Variants in ICE1 observed in about 807,000 individuals in gnomAD.
The protein encoded by ICE1 is little elongation complex subunit 1.
In ICE1, 64 loss-of-function variants were observed where a neutral mutation model predicts 192.7. The observed-to-expected ratio is 0.33, with a 90% confidence interval of 0.27 to 0.41. The LOEUF is 0.41. ICE1 is among the 10% of genes least tolerant of loss of function. ICE1 has a pLI of 1.00. For missense variants in ICE1, 2,708 were observed against 2,696.0 expected, an observed-to-expected ratio of 1.00 and a Z score of -0.10; for synonymous variants, 1,010 against 984.5, an observed-to-expected ratio of 1.03 and a Z score of -0.49.
At chr5:5,459,163 G>A (rs531167707) in intron 12 of ICE1, among the ~76,000 whole-genome samples, 2 of 152,242 alleles carry the variant, frequency 1.3e-5, no homozygotes, top group Admixed American at 6.5e-5. Context: ...GTGAGCCACC[G>A]CGCCTGGCCA....
At chr5:5,424,482 T>C (rs1035644328) in intron 1 of ICE1, among the ~76,000 whole-genome samples, 1 of 151,898 alleles carries the variant, frequency 6.6e-6, no homozygotes, top group African/African-American at 2.4e-5. Flanking sequence ...CATTTATTGA[T>C]CACCTGCCGT....
Position 5,462,711 on chromosome 5 carries a change from C to T in ICE1, c.3377C>T (p.Pro1126Leu). ...CSEGSEQQDA[P>L]DDSQKNLGDT... is the part of the protein sequence containing the mutation. The stretch of plus-strand genomic sequence containing the variant: ...GAGGGGAGCGAACAGCAAGATGCTC[C>T]TGATGACTCACAGAAAAATTTAGGA... The change falls in exon 13 of 19, where the codon CCT (proline) becomes CTT (leucine). Residue 1126 changes from proline (P) to leucine (L), a missense_variant. Physicochemically the swap from Pro to Leu is moderately conservative, Grantham distance 98. Coordinates refer to ENST00000296564, the MANE Select transcript of ICE1 (RefSeq NM_015325.3). The T allele has an allele frequency of 6.2e-7, 1 of 1,613,818 alleles. No homozygotes were observed. Among genetic ancestry groups the T allele is most frequent in the Non-Finnish European group, 8.5e-7 (1 of 1,179,810 alleles).
intron 10 of ICE1, among the ~76,000 whole-genome samples, chr5:5,452,660 G>A (rs775860807): frequency 4.6e-5 from 7 of 152,050 alleles, no homozygotes; most frequent in Non-Finnish European, 8.8e-5. Context: ...AGCACAAGCA[G>A]ATGGTTTATA....
At chr5:5,438,070 A>C (rs183882437) in intron 3 of ICE1, among the ~76,000 whole-genome samples, 41 of 152,370 alleles carry the variant, frequency 2.7e-4, no homozygotes, top group African/African-American at 9.6e-4. Context: ...ATTGACTCAG[A>C]GTTCTGCATG....
chr5:5,478,284 G>T (rs555789842), intron 17 of ICE1, among the ~76,000 whole-genome samples: 1 of 152,170 alleles, frequency 6.6e-6, no homozygotes, highest in Non-Finnish European at 1.5e-5. Flanking sequence ...AAATCAATGT[G>T]CAAAAATCAC....
chr5:5,435,676 T>G (rs1457811552), intron 1 of ICE1, among the ~76,000 whole-genome samples: 3 of 113,160 alleles, frequency 2.7e-5, no homozygotes, highest in Admixed American at 2.2e-4. Context: ...TTTTTTTGTT[T>G]TGTTTTTGTT....
At chr5:5,450,479 G>A (rs549638076) in intron 10 of ICE1, among the ~76,000 whole-genome samples, 30 of 152,258 alleles carry the variant, frequency 2.0e-4, no homozygotes, top group Middle Eastern at 3.4e-3. Flanking sequence ...TTCTCAGAGG[G>A]GAGAACAGAA....
intron 17 of ICE1, among the ~76,000 whole-genome samples, chr5:5,479,531 G>A (rs1739435883): frequency 6.6e-6 from 1 of 152,208 alleles, no homozygotes; most frequent in Non-Finnish European, 1.5e-5. Flanking sequence ...GGAAGACAGT[G>A]TGGTGATTCT....
chr5:5,483,002 T>G (rs979567441), intron 17 of ICE1, among the ~76,000 whole-genome samples: 8 of 152,188 alleles, frequency 5.3e-5, no homozygotes, highest in African/African-American at 1.9e-4. Flanking sequence ...TTTTTTTGTT[T>G]TTTTTGAGAC....
At position 5,457,321 on chromosome 5, in the gene ICE1, C is replaced by T; in HGVS notation, c.692-11C>T. On this transcript the variant is annotated splice_polypyrimidine_tract_variant and intron_variant, in intron 11 of 18. Coordinates refer to ENST00000296564, the MANE Select transcript of ICE1 (RefSeq NM_015325.3). Reference sequence around the variant, plus strand: ...TAAATACCTGATACCTACTTTTGTTCCCCCACATAGAAAAACCTGCCAAAG... The same window carrying T: ...TAAATACCTGATACCTACTTTTGTTTCCCCACATAGAAAAACCTGCCAAAG... 3 of 1,573,348 alleles carry T rather than the reference C, an allele frequency of 1.9e-6. No individual in the cohort carries two copies. The highest frequency in any genetic ancestry group is 2.3e-5 in the East Asian group (1 of 44,278).
In ICE1 at chr5:5,463,747, A is replaced by G; in HGVS notation, c.4413A>G (p.Pro1471=). 1 of 1,613,994 alleles carries G rather than the reference A, an allele frequency of 6.2e-7. No individual in the cohort carries two copies. The highest frequency in any genetic ancestry group is 8.5e-7 in the Non-Finnish European group (1 of 1,179,872). Reference sequence around the variant, plus strand: ...CAGTGACTTCTGCTGAGAAGTCCCCAGAGGCCAGTCACACTGGCCCTGCAT... The same window carrying G: ...CAGTGACTTCTGCTGAGAAGTCCCCGGAGGCCAGTCACACTGGCCCTGCAT... The part of the protein sequence containing the change: ...CIPVTSAEKS[P]EASHTGPAFQ... The change falls in exon 13 of 19, where the codon CCA becomes CCG. Residue 1471 remains proline, a synonymous_variant. Coordinates refer to ENST00000296564, the MANE Select transcript of ICE1 (RefSeq NM_015325.3).
chr5:5,463,962 A>C lies in ICE1; in HGVS notation c.4628A>C (p.Asn1543Thr). 6.2e-7 allele frequency: 1 copy of C among 1,613,892 alleles called. No individual in the cohort carries two copies. Among genetic ancestry groups the C allele is most frequent in the Non-Finnish European group, 8.5e-7 (1 of 1,179,860 alleles). The change falls in exon 13 of 19, where the codon AAC becomes ACC. Residue 1543 changes from asparagine (N) to threonine (T), a missense_variant. Asn to Thr is a moderately conservative substitution (Grantham distance 65, BLOSUM62 0). Around this residue, in one of 2 missense-constraint regions of ICE1, gnomAD observed 2,366 missense variants for 2,276.6 expected, o/e 1.04. Coordinates refer to ENST00000296564, the MANE Select transcript of ICE1 (RefSeq NM_015325.3). ...QIVASDHTYY[N>T]SKLEPSGKNK... The stretch of plus-strand genomic sequence containing the variant: ...GTTGCGTCTGATCACACATATTATA[A>C]CTCAAAACTAGAGCCATCTGGCAAA...
At chr5:5,475,568 T>C (rs1312706432) in intron 16 of ICE1, among the ~76,000 whole-genome samples, 2 of 152,224 alleles carry the variant, frequency 1.3e-5, no homozygotes, top group African/African-American at 2.4e-5. Flanking sequence ...TAGCTCCTTT[T>C]GGTTTACATG....
At chr5:5,442,516 T>A (rs1195534571) in intron 5 of ICE1, among the ~76,000 whole-genome samples, 14 of 152,254 alleles carry the variant, frequency 9.2e-5, no homozygotes, top group Admixed American at 9.2e-4. Flanking sequence ...GCATGAACAT[T>A]GGAGTTAGAC....
chr5:5,455,402 G>C lies in ICE1; in HGVS notation c.691+764G>C, dbSNP rs1189908630. ...GGTACCCATTGGTATTAACCACATGGTGCCCGCAACTCTTAAATTAGTCAC... is the reference window on the plus strand; with the variant it reads ...GGTACCCATTGGTATTAACCACATGCTGCCCGCAACTCTTAAATTAGTCAC... On this transcript the variant is annotated intron_variant, in intron 11 of 18. Coordinates refer to ENST00000296564, the MANE Select transcript of ICE1 (RefSeq NM_015325.3). 3.3e-5 allele frequency among the ~76,000 whole-genome samples: 5 copies of C among 152,240 alleles called. No homozygotes were observed. The East Asian group carries it at 9.7e-4, about 29-fold the overall frequency.
intron 13 of ICE1, among the ~76,000 whole-genome samples, 179 bp downstream of exon 13, chr5:5,465,405 G>T (rs545364207): frequency 6.6e-6 from 1 of 152,272 alleles, no homozygotes; most frequent in Admixed American, 6.5e-5. Flanking sequence ...TTTAAAATAT[G>T]ATAAGACACT....
chr5:5,451,628 T>G (rs1470731697), intron 10 of ICE1, among the ~76,000 whole-genome samples: 1 of 152,130 alleles, frequency 6.6e-6, no homozygotes, highest in Admixed American at 6.6e-5. Flanking sequence ...ATGCTCAAAT[T>G]GACTCAGAAC....
At position 5,427,583 on chromosome 5, in the gene ICE1, T is replaced by A. The variant is rs528658177; in HGVS notation, c.84+4584T>A. The stretch of plus-strand genomic sequence containing the variant: ...ATGTATGGTTGTCCTTGGAACAGAT[T>A]TGAGCCTGTCCATAAACTTGTGCTG... On this transcript the variant is annotated intron_variant, in intron 1 of 18. Transcript: ENST00000296564. Among the ~76,000 whole-genome samples, 5 of 152,332 alleles carry A rather than the reference T, an allele frequency of 3.3e-5. No individual in the cohort carries two copies. The South Asian group carries it at 8.3e-4, about 25-fold the overall frequency.
Position 5,450,550 on chromosome 5 carries a change from A to G in ICE1, c.604+2653A>G, listed in dbSNP as rs963745947. Among the ~76,000 whole-genome samples the G allele has an allele frequency of 5.3e-5, 8 of 152,158 alleles. No individual in the cohort carries two copies. In the South Asian group the frequency reaches 1.7e-3, roughly 32 times the overall value. On this transcript the variant is annotated intron_variant, in intron 10 of 18. Coordinates refer to ENST00000296564, the MANE Select transcript of ICE1 (RefSeq NM_015325.3). Reference sequence around the variant, plus strand: ...GGGAACTTTCCTGAGCAGAGAACACATGGAATATTCATATTCATAGGGGCC... The same window carrying G: ...GGGAACTTTCCTGAGCAGAGAACACGTGGAATATTCATATTCATAGGGGCC...
Sources: gnomAD v4.1 joint callset for allele counts (sites outside exome capture counted in the v4.1 genomes callset) on GRCh38, gnomAD v4.1.1 for gene constraint, gnomAD v4.1.1 regional missense constraint, MANE v1.5 for transcripts, NCBI Gene and HGNC (gene_info 2026-07-23, HGNC 2026-07-21) for gene names.